The following XRRA1 variants were observed in gnomAD, a reference collection of about 807,000 sequenced individuals.
The protein encoded by XRRA1 is X-ray radiation resistance-associated protein 1.
In XRRA1, 69 loss-of-function variants were observed where a neutral mutation model predicts 80.2. The ratio of observed to expected loss-of-function variants is 0.86; its 90% CI spans 0.71 to 1.05. The LOEUF is 1.05. Among genes scored for constraint, XRRA1 ranks in the 50% least tolerant of loss-of-function variants. XRRA1 has a pLI of 0.00. For synonymous variants in XRRA1, 348 were observed against 389.9 expected, an observed-to-expected ratio of 0.89 and a Z score of 1.27; for missense variants, 967 against 976.4, an observed-to-expected ratio of 0.99 and a Z score of 0.13.
intron 10 of XRRA1, among the ~76,000 whole-genome samples, chr11:74,882,154 C>A (rs552720768): frequency 6.6e-6 from 1 of 152,218 alleles, no homozygotes; most frequent in African/African-American, 2.4e-5. Context: ...CCAAATCAGA[C>A]GTAGATTTTG....
chr11:74,902,738 C>T (rs539156370), intron 10 of XRRA1, among the ~76,000 whole-genome samples: 1 of 151,716 alleles, frequency 6.6e-6, no homozygotes, highest in Non-Finnish European at 1.5e-5. Context: ...CTCATGGACA[C>T]AGAGAGTAGA....
intron 10 of XRRA1, among the ~76,000 whole-genome samples, chr11:74,885,419 T>C (rs924829450): frequency 6.6e-6 from 1 of 151,690 alleles, no homozygotes; most frequent in Non-Finnish European, 1.5e-5. Flanking sequence ...CCCCACAGAA[T>C]TACAAAAAAC....
intron 10 of XRRA1, among the ~76,000 whole-genome samples, chr11:74,888,012 C>T (rs538258656): frequency 6.6e-6 from 1 of 152,186 alleles, no homozygotes; most frequent in Non-Finnish European, 1.5e-5. Context: ...CATTGCCAAA[C>T]AAAAGGCAGC....
At chr11:74,919,524 T>C (rs1939958414) in intron 8 of XRRA1, 1 of 317,048 alleles carries the variant, frequency 3.2e-6, no homozygotes, top group Non-Finnish European at 6.1e-6. Flanking sequence ...TTTGTATTTC[T>C]GTCTACAGCC....
intron 14 of XRRA1, among the ~76,000 whole-genome samples, chr11:74,850,667 C>T (rs2039563480): frequency 6.6e-6 from 1 of 152,184 alleles, no homozygotes; most frequent in African/African-American, 2.4e-5. Flanking sequence ...AAGATTCAGG[C>T]AGGAGATGTA....
intron 2 of XRRA1, among the ~76,000 whole-genome samples, chr11:74,943,437 G>A (rs1257076764): frequency 1.3e-5 from 2 of 151,860 alleles, no homozygotes; most frequent in Non-Finnish European, 2.9e-5. Flanking sequence ...ATTTTACCGA[G>A]GACTTGCAAA....
chr11:74,880,605 A>G (rs1201980509), intron 10 of XRRA1, among the ~76,000 whole-genome samples: 63 of 150,016 alleles, frequency 4.2e-4, no homozygotes, highest in Admixed American at 4.1e-3. Flanking sequence ...ATTTAGTGCT[A>G]TAAATTTCCC....
chr11:74,919,622 G>C (rs1325577407), intron 8 of XRRA1: 4 of 553,240 alleles, frequency 7.2e-6, no homozygotes, highest in Admixed American at 2.1e-5. Flanking sequence ...AGAAGAAAAA[G>C]GGCCGTTCTG....
intron 11 of XRRA1, among the ~76,000 whole-genome samples, chr11:74,860,441 A>G (rs1389669634): frequency 6.6e-6 from 1 of 152,222 alleles, no homozygotes; most frequent in Non-Finnish European, 1.5e-5. Flanking sequence ...CCAGAGAGTC[A>G]AGATGAGGAG....
At chr11:74,848,721 T>TA (rs1414492569) in intron 14 of XRRA1, among the ~76,000 whole-genome samples, 4 of 152,110 alleles carry the variant, frequency 2.6e-5, no homozygotes, top group African/African-American at 9.7e-5. Flanking sequence ...CTTAGAGAGG[T>TA]AAAATGACCT....
At chr11:74,932,947 G>A (rs1943990110) in intron 5 of XRRA1, among the ~76,000 whole-genome samples, 2 of 152,126 alleles carry the variant, frequency 1.3e-5, no homozygotes, top group South Asian at 2.1e-4. Context: ...GGTATGCCAC[G>A]AAAGCCAACA....
intron 10 of XRRA1, among the ~76,000 whole-genome samples, chr11:74,868,565 G>A (rs2044004748): frequency 6.6e-6 from 1 of 152,096 alleles, no homozygotes; most frequent in South Asian, 2.1e-4. Flanking sequence ...GAATAAAGAA[G>A]CAAGACCTGA....
Position 74,844,011 on chromosome 11 carries a change from C to G in XRRA1, c.2044-52G>C. 6.5e-7 allele frequency: 1 copy of G among 1,548,368 alleles called. No individual in the cohort carries two copies. Reference sequence around the variant, plus strand: ...TTATCCCAGGTTTATGCACAGACTTCCCTGGCCTAACTTCATACAGTCACA... The same window carrying G: ...TTATCCCAGGTTTATGCACAGACTTGCCTGGCCTAACTTCATACAGTCACA... On this transcript the variant is annotated intron_variant, in intron 17 of 18. Transcript: ENST00000684022.
intron 12 of XRRA1, among the ~76,000 whole-genome samples, chr11:74,852,997 C>T (rs1026964033): frequency 6.6e-6 from 1 of 152,206 alleles, no homozygotes; most frequent in Non-Finnish European, 1.5e-5. Flanking sequence ...ACTAGATTTC[C>T]ACTAACTTCT....
In XRRA1 at chr11:74,845,178, T is replaced by C. The variant is rs574011361; in HGVS notation, c.1822A>G (p.Lys608Glu). ...GTTGGGAGTTTCCTCCGAGTCCCTT[T>C]CACCTCTCTGGGTGCCGTTGGTGGT... ...KKPPTAPREV[K>E]GTRRKLPTAF... Residue 608 changes from lysine (K) to glutamate (E), a missense_variant, in exon 16 of 19, where the codon AAA (lysine) becomes GAA (glutamate). By Grantham distance (56) the Lys-to-Glu change is moderately conservative. Coordinates refer to ENST00000684022, the MANE Select transcript of XRRA1 (RefSeq NM_001378157.1). 1.2e-6 allele frequency: 2 copies of C among 1,614,084 alleles called. No homozygotes were observed. The highest frequency in any genetic ancestry group is 2.7e-5 in the African/African-American group (2 of 75,072).
intron 10 of XRRA1, among the ~76,000 whole-genome samples, chr11:74,888,785 G>C (rs111314986): frequency 0.012 from 1,723 of 147,900 alleles, 14 homozygotes; most frequent in Middle Eastern, 0.036. Flanking sequence ...AAGCCTATTT[G>C]ATCAACTGGA....
intron 10 of XRRA1, among the ~76,000 whole-genome samples, chr11:74,873,316 G>C (rs1276024513): frequency 1.3e-5 from 2 of 152,126 alleles, no homozygotes; most frequent in African/African-American, 4.8e-5. Flanking sequence ...ATGGAGACTA[G>C]ATCAGATCCT....
chr11:74,918,411 G>C (rs931668710), intron 8 of XRRA1, among the ~76,000 whole-genome samples: 2 of 151,964 alleles, frequency 1.3e-5, no homozygotes, highest in Admixed American at 1.3e-4. Flanking sequence ...AATTTCTTTA[G>C]AAGAGAAAAT....
chr11:74,884,253 ATGTCAGCAGC>A (rs963555145), intron 10 of XRRA1, among the ~76,000 whole-genome samples: 5 of 152,204 alleles, frequency 3.3e-5, no homozygotes, highest in African/African-American at 1.2e-4. Flanking sequence ...GCACAGGGGA[ATGTCAGCAGC>A]TGTGTCAATA....
Sources: gnomAD v4.1 joint callset for allele counts (sites outside exome capture counted in the v4.1 genomes callset) on GRCh38, gnomAD v4.1.1 for gene constraint, MANE v1.5 for transcripts, NCBI Gene and HGNC (gene_info 2026-07-23, HGNC 2026-07-21) for gene names.